The following AGTR1 variants were observed in gnomAD, a reference collection of about 807,000 sequenced individuals.
AGTR1 encodes type-1 angiotensin II receptor.
AGTR1 carries 16 observed loss-of-function variants against 19.4 expected under a neutral mutation model. The ratio of observed to expected loss-of-function variants is 0.82; its 90% CI spans 0.56 to 1.25. The LOEUF is 1.25. AGTR1 is among the 50% of genes most tolerant of loss of function. The pLI is 0.00. For synonymous variants in AGTR1, 153 were observed against 154.9 expected (o/e 0.99, Z 0.09); for missense variants, 373 against 431.9 (o/e 0.86, Z 1.21).
rs752367404 is a variant in AGTR1 at position 148,741,992 on chromosome 3, T to C, written c.957T>C (p.Tyr319=). 1.9e-6 allele frequency: 3 copies of C among 1,613,650 alleles called. No homozygotes were observed. The highest frequency in any genetic ancestry group is 1.7e-5 in the Admixed American group (1 of 59,896). ...GATATTTTCTCCAGCTTCTAAAATATATTCCCCCAAAAGCCAAATCCCACT... is the reference window on the plus strand; with the variant it reads ...GATATTTTCTCCAGCTTCTAAAATACATTCCCCCAAAAGCCAAATCCCACT... The part of the protein sequence containing the change: ...FKRYFLQLLK[Y]IPPKAKSHSN... The change falls in exon 3 of 3, where the codon TAT becomes TAC. Residue 319 remains tyrosine (Y), a synonymous_variant. Coordinates refer to ENST00000349243, the MANE Select transcript of AGTR1 (RefSeq NM_000685.5).
At chr3:148,698,733 G>A (rs2933249) in intron 1 of AGTR1, among the ~76,000 whole-genome samples, 21,081 of 152,154 alleles carry the variant, frequency 0.14, 1,875 homozygotes, top group Middle Eastern at 0.26. Flanking sequence ...ATCAAACTGA[G>A]GAAGGAGAAG....
chr3:148,742,483 G>T lies in AGTR1; in HGVS notation c.*368G>T. On this transcript the variant is annotated 3_prime_UTR_variant, in exon 3 of 3. Coordinates refer to ENST00000349243, the MANE Select transcript of AGTR1 (RefSeq NM_000685.5). Reference sequence around the variant, plus strand: ...ATTTAGAATATATTAAATCGTTAGAGGAGCAACAGGAGATGAGAGTTCCAG... The same window carrying T: ...ATTTAGAATATATTAAATCGTTAGATGAGCAACAGGAGATGAGAGTTCCAG... The T allele has an allele frequency of 2.7e-6, 1 of 368,710 alleles. No individual in the cohort carries two copies. The highest frequency in any genetic ancestry group is 2.1e-5 in the African/African-American group (1 of 46,796). The allele number at this position is 368,710 out of a possible 1,614,324, so 22.8% of individuals were successfully genotyped here.
intron 2 of AGTR1, among the ~76,000 whole-genome samples, chr3:148,732,575 G>C (rs1714327929): frequency 6.6e-6 from 1 of 152,008 alleles, no homozygotes; most frequent in African/African-American, 2.4e-5. Flanking sequence ...AAAATATTTA[G>C]ATAGCTGATT....
chr3:148,702,044 C>G (rs1290396687), intron 1 of AGTR1, among the ~76,000 whole-genome samples: 1 of 143,324 alleles, frequency 7.0e-6, no homozygotes, highest in African/African-American at 2.7e-5. Context: ...GTGGCATGAT[C>G]TCGGCTCACT....
rs1179369490 is a variant in AGTR1, at chr3:148,716,347, A to G, written c.-48+8320A>G. Among the ~76,000 whole-genome samples, 1 of 152,222 alleles carries G rather than the reference A, an allele frequency of 6.6e-6. No homozygotes were observed. The highest frequency in any genetic ancestry group is 1.9e-4 in the East Asian group (1 of 5,190). The stretch of plus-strand genomic sequence containing the variant: ...GATGTGTGGCTCTTTAAACTGAAAT[A>G]TAATCCAAAGAGAACAAGATCTAGT... On this transcript the variant is annotated intron_variant, in intron 2 of 2. Transcript: ENST00000349243. The surrounding 1 kb of genome is among the most constrained non-coding windows in gnomAD (Gnocchi z 4.7).
intron 2 of AGTR1, among the ~76,000 whole-genome samples, chr3:148,732,258 A>T (rs1205048617): frequency 6.6e-6 from 1 of 152,220 alleles, no homozygotes; most frequent in Admixed American, 6.5e-5. Flanking sequence ...AACGTAAGGG[A>T]TGTCTGACAG....
rs1463394872 is a variant in AGTR1 at position 148,705,504 on chromosome 3, TAC to T, written c.-131-2436_-131-2435del. ...ATCATGATGTCTCCCAGCCCTCAGT[TAC>T]ACAGTTAATTGCTGCCACTTTATCA... On this transcript the variant is annotated intron_variant, in intron 1 of 2. Coordinates refer to ENST00000349243, the MANE Select transcript of AGTR1 (RefSeq NM_000685.5). 5.9e-5 allele frequency among the ~76,000 whole-genome samples: 9 copies of T among 152,110 alleles called. No individual in the cohort carries two copies. The South Asian group carries it at 1.2e-3, about 21-fold the overall frequency.
chr3:148,736,851 A>T (rs1247797326), intron 2 of AGTR1, among the ~76,000 whole-genome samples: 1 of 152,160 alleles, frequency 6.6e-6, no homozygotes, highest in African/African-American at 2.4e-5. Context: ...GAAGAGGTGG[A>T]TCCTCCTATG....
chr3:148,732,132 G>C (rs748672183), intron 2 of AGTR1, among the ~76,000 whole-genome samples: 1 of 152,104 alleles, frequency 6.6e-6, no homozygotes, highest in African/African-American at 2.4e-5. Context: ...ATCACATTGC[G>C]CCCCCCTCTT....
At chr3:148,708,517 A>G (rs1283972406) in intron 2 of AGTR1, among the ~76,000 whole-genome samples, 1 of 152,172 alleles carries the variant, frequency 6.6e-6, no homozygotes, top group Admixed American at 6.5e-5. Flanking sequence ...TCGGAGTTTC[A>G]TTCTCACAAA....
chr3:148,702,130 G>A (rs536213154), intron 1 of AGTR1, among the ~76,000 whole-genome samples: 277 of 151,674 alleles, frequency 1.8e-3, no homozygotes, highest in Non-Finnish European at 3.6e-3. Flanking sequence ...GGTGCATGCC[G>A]CCACGCCCAG....
At chr3:148,737,509 TA>T (rs1159544125) in intron 2 of AGTR1, among the ~76,000 whole-genome samples, 1 of 152,300 alleles carries the variant, frequency 6.6e-6, no homozygotes, top group Non-Finnish European at 1.5e-5. Flanking sequence ...ATACTGCCTT[TA>T]AGGCTCCTGT....
intron 1 of AGTR1, among the ~76,000 whole-genome samples, chr3:148,701,182 GA>G (rs1327218628): frequency 6.6e-6 from 1 of 151,686 alleles, no homozygotes; most frequent in African/African-American, 2.4e-5. Flanking sequence ...TTCAATCACA[GA>G]AAAAAAATCT....
chr3:148,719,015 G>A lies in AGTR1; in HGVS notation c.-48+10988G>A, dbSNP rs574790044. Among the ~76,000 whole-genome samples, 44 of 152,206 alleles carry A rather than the reference G, an allele frequency of 2.9e-4. No individual in the cohort carries two copies. In the South Asian group the frequency reaches 7.7e-3, roughly 27 times the overall value. On this transcript the variant is annotated intron_variant, in intron 2 of 2. Transcript: ENST00000349243. The stretch of plus-strand genomic sequence containing the variant: ...GTTTCAAATGGAAGGGCTCCTATTC[G>A]GTTTTCTCCTTCATTTCTTAAAGTG...
chr3:148,738,256 C>G (rs1714682266), intron 2 of AGTR1, among the ~76,000 whole-genome samples: 1 of 151,936 alleles, frequency 6.6e-6, no homozygotes, highest in South Asian at 2.1e-4. Context: ...TTTTTACTGC[C>G]CTTATTCCCA....
chr3:148,708,472 A>T (rs1360473521), intron 2 of AGTR1, among the ~76,000 whole-genome samples: 1 of 152,166 alleles, frequency 6.6e-6, no homozygotes, highest in Non-Finnish European at 1.5e-5. Flanking sequence ...AAACCTTAAC[A>T]GTTGACCTTC....
intron 2 of AGTR1, among the ~76,000 whole-genome samples, chr3:148,735,144 G>A (rs1389658716): frequency 6.6e-6 from 1 of 152,178 alleles, no homozygotes; most frequent in East Asian, 1.9e-4. Context: ...AATTTAAGCT[G>A]TGTTTCCTGA....
At chr3:148,712,803 A>G (rs1713068537) in intron 2 of AGTR1, among the ~76,000 whole-genome samples, 1 of 152,182 alleles carries the variant, frequency 6.6e-6, no homozygotes, top group Non-Finnish European at 1.5e-5. Context: ...ATTTTATTCA[A>G]CACTGAACCA....
intron 2 of AGTR1, among the ~76,000 whole-genome samples, chr3:148,729,481 C>T (rs1311262256): frequency 6.6e-6 from 1 of 152,200 alleles, no homozygotes; most frequent in Non-Finnish European, 1.5e-5. Context: ...AACTTCTGCT[C>T]AGACAGCACA....
Sources: allele counts gnomAD v4.1 joint callset (sites outside exome capture counted in the v4.1 genomes callset), GRCh38; gene constraint gnomAD v4.1.1; non-coding constraint Gnocchi (gnomAD v3.1); transcripts MANE v1.5; gene names NCBI Gene and HGNC (gene_info 2026-07-23, HGNC 2026-07-21).